Variants in TNR observed in about 807,000 individuals in gnomAD.
TNR encodes tenascin R, also known as tenascin-R.
A neutral mutation model predicts 150.4 loss-of-function variants in TNR; 45 were observed. That is an observed-to-expected ratio of 0.30 (90% CI 0.24 to 0.38). The LOEUF is 0.38. Among genes scored for constraint, TNR ranks in the 10% least tolerant of loss-of-function variants. The pLI, the probability that TNR is intolerant of heterozygous loss-of-function variation, is 1.00. For missense variants in TNR, 1,544 were observed against 1,759.1 expected, an observed-to-expected ratio of 0.88 and a Z score of 2.19; for synonymous variants, 687 against 678.4, an observed-to-expected ratio of 1.01 and a Z score of -0.20.
chr1:175,604,076 C>G (rs924905272), intron 1 of TNR, among the ~76,000 whole-genome samples: 2 of 152,074 alleles, frequency 1.3e-5, no homozygotes, highest in African/African-American at 4.8e-5. Context: ...AAAAGCCAAA[C>G]TGAAGGAGTG....
chr1:175,676,967 G>C (rs1239122425), intron 1 of TNR, among the ~76,000 whole-genome samples: 1 of 152,208 alleles, frequency 6.6e-6, no homozygotes, highest in African/African-American at 2.4e-5. Flanking sequence ...CAGGTGAGAG[G>C]ACTGGGGCTC....
intron 2 of TNR, among the ~76,000 whole-genome samples, chr1:175,499,944 T>C (rs1658662930): frequency 6.6e-6 from 1 of 152,094 alleles, no homozygotes; most frequent in Admixed American, 6.5e-5. Flanking sequence ...TATCTGAAAA[T>C]GAAAGTACCC....
At chr1:175,451,635 G>A (rs372231994) in intron 2 of TNR, among the ~76,000 whole-genome samples, 32 of 152,324 alleles carry the variant, frequency 2.1e-4, no homozygotes, top group African/African-American at 7.0e-4. Context: ...GCAGACATGT[G>A]GAACCTGCTG....
At chr1:175,543,645 GATAATGACTCAGTTCCTGTT>G (rs1184354433) in intron 1 of TNR, among the ~76,000 whole-genome samples, 60 of 152,276 alleles carry the variant, frequency 3.9e-4, no homozygotes, top group African/African-American at 1.4e-3. Flanking sequence ...TTTCAAAGAT[GATAATGACTCAGTTCCTGTT>G]CTGGGAAACT....
intron 2 of TNR, among the ~76,000 whole-genome samples, chr1:175,498,411 A>C (rs932979556): frequency 6.6e-6 from 1 of 152,240 alleles, no homozygotes; most frequent in Non-Finnish European, 1.5e-5. Context: ...TCTGAGGACC[A>C]GGGAATGGTG....
chr1:175,365,950 C>T lies in TNR; in HGVS notation c.2242G>A (p.Ala748Thr). The change falls in exon 11 of 23, where the codon GCA (alanine) becomes ACA (threonine). Residue 748 changes from alanine to threonine, a missense_variant. Physicochemically the swap from Ala to Thr is moderately conservative, Grantham distance 58. Coordinates refer to ENST00000367674, the MANE Select transcript of TNR (RefSeq NM_003285.3). ...SYTLTDLEPG[A>T]EYIISVTAER... ...GCAGTGACGGAAATGATGTACTCTG[C>T]CCCAGGCTCTAGATCTGTTAGTGTG... 1 of 1,614,110 alleles carries T rather than the reference C, an allele frequency of 6.2e-7. No homozygotes were observed.
chr1:175,578,085 T>C (rs540434181), intron 1 of TNR, among the ~76,000 whole-genome samples: 46 of 152,248 alleles, frequency 3.0e-4, no homozygotes, highest in Non-Finnish European at 6.2e-4. Flanking sequence ...TTAGCGCTTG[T>C]TATTAGTAGT....
intron 1 of TNR, among the ~76,000 whole-genome samples, chr1:175,592,563 C>G (rs892199243): frequency 1.3e-5 from 2 of 152,382 alleles, no homozygotes; most frequent in Middle Eastern, 3.4e-3. Context: ...TCTTTGCTCT[C>G]ACTCTCTCTT....
chr1:175,686,860 T>A (rs1017680748), intron 1 of TNR, among the ~76,000 whole-genome samples: 10 of 152,200 alleles, frequency 6.6e-5, no homozygotes, highest in African/African-American at 2.2e-4. Flanking sequence ...ATGGTGTACA[T>A]GTCCTAAATT....
intron 1 of TNR, among the ~76,000 whole-genome samples, chr1:175,634,601 A>G (rs1664437977): frequency 6.6e-6 from 1 of 152,192 alleles, no homozygotes; most frequent in Non-Finnish European, 1.5e-5. Flanking sequence ...ATGTGGGAGC[A>G]CAAGACAGGA....
At chr1:175,520,201 A>C (rs920461314) in intron 2 of TNR, among the ~76,000 whole-genome samples, 2 of 152,220 alleles carry the variant, frequency 1.3e-5, no homozygotes, top group Non-Finnish European at 2.9e-5. Flanking sequence ...GTTGAGGTAG[A>C]CTGAGCTCTA....
At position 175,417,011 on chromosome 1, in the gene TNR, AAAAG is replaced by A. The variant is rs61354589; in HGVS notation, c.-63-10238_-63-10235del. Among the ~76,000 whole-genome samples the A allele has an allele frequency of 5.8e-3, 529 of 90,896 alleles. 7 individuals carry two copies. The highest frequency in any genetic ancestry group is 0.021 in the South Asian group (58 of 2,760). The allele number at this position is 90,896 out of a possible 152,430, so 59.6% of individuals were successfully genotyped here. A position where few individuals can be genotyped will look rare whatever the true frequency, so the allele number is the denominator to read the frequency against. On this transcript the variant is annotated intron_variant, in intron 2 of 22. Transcript: ENST00000367674. ...CTACAGAGCGAGACTCCATCTCAAAAAAAGAAAGAAAGAAAGAAAGAAAGAAAGA... is the reference window on the plus strand; with the variant it reads ...CTACAGAGCGAGACTCCATCTCAAAAAAAGAAAGAAAGAAAGAAAGAAAGA...
intron 10 of TNR, 97 bp from the exon 11 acceptor site, chr1:175,366,235 G>A: frequency 1.5e-6 from 2 of 1,316,428 alleles, no homozygotes; most frequent in East Asian, 4.9e-5. Flanking sequence ...CAGCAGGCCT[G>A]CTGACTATGA....
intron 2 of TNR, among the ~76,000 whole-genome samples, chr1:175,455,189 G>A (rs995945117): frequency 1.3e-4 from 20 of 152,172 alleles, no homozygotes; most frequent in African/African-American, 4.8e-4. Flanking sequence ...CCAAGAGCCC[G>A]AGCCTCCGGC....
intron 1 of TNR, among the ~76,000 whole-genome samples, chr1:175,689,443 T>C (rs1348625459): frequency 1.3e-5 from 2 of 152,188 alleles, no homozygotes; most frequent in East Asian, 3.8e-4. Flanking sequence ...GCCTGCAAGC[T>C]TCCAGGGAGG....
chr1:175,672,655 C>T (rs745937332), intron 1 of TNR, among the ~76,000 whole-genome samples: 11 of 152,096 alleles, frequency 7.2e-5, no homozygotes, highest in Non-Finnish European at 1.3e-4. Context: ...AAGAGGATAT[C>T]CCACAGCTCT....
intron 2 of TNR, among the ~76,000 whole-genome samples, chr1:175,466,499 ACAAG>A (rs1454973403): frequency 2.6e-5 from 4 of 152,110 alleles, no homozygotes; most frequent in Non-Finnish European, 5.9e-5. Context: ...TGGGCTTGGA[ACAAG>A]CACCCCTTGC....
intron 1 of TNR, among the ~76,000 whole-genome samples, chr1:175,729,867 C>T (rs1667586450): frequency 6.6e-6 from 1 of 152,184 alleles, no homozygotes; most frequent in Non-Finnish European, 1.5e-5. Context: ...GTCCCTCCAT[C>T]ACTCTCGGAC....
intron 1 of TNR, among the ~76,000 whole-genome samples, chr1:175,587,179 G>T (rs1662608088): frequency 6.6e-6 from 1 of 152,180 alleles, no homozygotes; most frequent in African/African-American, 2.4e-5. Context: ...CAGCTTGGCA[G>T]ATTACCCCAA....
Sources: allele counts gnomAD v4.1 joint callset (sites outside exome capture counted in the v4.1 genomes callset), GRCh38; gene constraint gnomAD v4.1.1; transcripts MANE v1.5; gene names NCBI Gene and HGNC (gene_info 2026-07-23, HGNC 2026-07-21).